Variants in NUDT3 observed in about 807,000 individuals in gnomAD.
The protein encoded by NUDT3 is diphosphoinositol polyphosphate phosphohydrolase 1.
Under a neutral mutation model 23.6 loss-of-function variants are expected in NUDT3, and 9 were observed. The ratio of observed to expected loss-of-function variants is 0.38; its 90% CI spans 0.23 to 0.66. NUDT3 has a LOEUF of 0.66. Among genes scored for constraint, NUDT3 ranks in the 30% least tolerant of loss-of-function variants. NUDT3 has a pLI of 0.52. For missense variants in NUDT3, 172 were observed against 218.5 expected, an observed-to-expected ratio of 0.79 and a Z score of 1.34; for synonymous variants, 86 against 82.6, an observed-to-expected ratio of 1.04 and a Z score of -0.22.
At chr6:34,360,829 G>A (rs1252048363) in intron 1 of NUDT3, among the ~76,000 whole-genome samples, 1 of 151,900 alleles carries the variant, frequency 6.6e-6, no homozygotes, top group Admixed American at 6.6e-5. Context: ...ATCTGATAAA[G>A]GATTCATCCA....
chr6:34,390,969 C>T (rs895786974), intron 1 of NUDT3, among the ~76,000 whole-genome samples: 1 of 152,134 alleles, frequency 6.6e-6, no homozygotes, highest in Non-Finnish European at 1.5e-5. Context: ...GTTTTGGGGA[C>T]TTTTACAATA....
intron 1 of NUDT3, among the ~76,000 whole-genome samples, chr6:34,385,979 G>A (rs1765098850): frequency 1.3e-5 from 2 of 152,202 alleles, no homozygotes; most frequent in South Asian, 4.1e-4. Context: ...CCACCATGCT[G>A]AGCCTTGTTC....
intron 2 of NUDT3, among the ~76,000 whole-genome samples, chr6:34,320,200 A>G (rs1164429556): frequency 6.6e-6 from 1 of 152,096 alleles, no homozygotes; most frequent in Non-Finnish European, 1.5e-5. Context: ...GAGTATGAAA[A>G]TTTTAAATTT....
rs1358161378 is a variant in NUDT3, at chr6:34,392,517, C to G, written c.-155G>C. ...ACACGGCTCCGCCGCTGGCCCGCCG[C>G]GGCCGCCTCATTCCCCCAGGCCCAG... On this transcript the variant is annotated 5_prime_UTR_variant, in exon 1 of 5. Transcript: ENST00000607016. The G allele has an allele frequency of 4.0e-6, 2 of 497,474 alleles. No homozygotes were observed. Among genetic ancestry groups the G allele is most frequent in the Admixed American group, 4.4e-5 (1 of 22,610 alleles). The allele number at this position is 497,474 out of a possible 1,614,324, so 30.8% of individuals were successfully genotyped here.
chr6:34,368,641 T>G (rs531430473), intron 1 of NUDT3, among the ~76,000 whole-genome samples: 11 of 152,268 alleles, frequency 7.2e-5, no homozygotes, highest in South Asian at 4.1e-4. Flanking sequence ...GCTTTTGTTT[T>G]GTGTTTTTTG....
At chr6:34,343,927 G>A (rs1453822155) in intron 1 of NUDT3, among the ~76,000 whole-genome samples, 2 of 152,164 alleles carry the variant, frequency 1.3e-5, no homozygotes, top group Non-Finnish European at 2.9e-5. Context: ...ATAAGCACAT[G>A]AAAAGATGCT....
At chr6:34,365,038 TAAATA>T (rs937509903) in intron 1 of NUDT3, among the ~76,000 whole-genome samples, 47 of 151,732 alleles carry the variant, frequency 3.1e-4, no homozygotes, top group Middle Eastern at 3.4e-3. Flanking sequence ...AATAAATAAA[TAAATA>T]AAATAAAAGA....
chr6:34,312,808 G>A (rs995491766), intron 2 of NUDT3, among the ~76,000 whole-genome samples: 1 of 152,190 alleles, frequency 6.6e-6, no homozygotes, highest in Non-Finnish European at 1.5e-5. Context: ...ATAAGGTGTG[G>A]TACATTTACA....
chr6:34,344,693 C>A (rs1451127570), intron 1 of NUDT3, among the ~76,000 whole-genome samples: 1 of 152,040 alleles, frequency 6.6e-6, no homozygotes, highest in Non-Finnish European at 1.5e-5. Flanking sequence ...CCTCTGTTGC[C>A]CAGGCTGGAG....
chr6:34,304,001 T>C (rs410340), intron 2 of NUDT3, among the ~76,000 whole-genome samples: 49,623 of 151,930 alleles, frequency 0.33, 9,708 homozygotes, highest in African/African-American at 0.51. Flanking sequence ...GCCTGTGATC[T>C]CAGCACTCTG....
At chr6:34,350,955 T>C (rs569494940) in intron 1 of NUDT3, among the ~76,000 whole-genome samples, 1 of 150,280 alleles carries the variant, frequency 6.7e-6, no homozygotes. Context: ...TTTCCACAGA[T>C]ACAAACTATT....
chr6:34,291,821 A>G (rs982893571), intron 4 of NUDT3, among the ~76,000 whole-genome samples: 1 of 152,196 alleles, frequency 6.6e-6, no homozygotes, highest in African/African-American at 2.4e-5. Flanking sequence ...GGTGGTGTTA[A>G]ACTATGGTGT....
chr6:34,357,689 G>C (rs1455219911), intron 1 of NUDT3, among the ~76,000 whole-genome samples: 3 of 151,752 alleles, frequency 2.0e-5, no homozygotes, highest in Non-Finnish European at 4.4e-5. Context: ...GTATATTTTA[G>C]AATGAATTTA....
chr6:34,311,256 G>A (rs1763767587), intron 2 of NUDT3, among the ~76,000 whole-genome samples: 1 of 152,084 alleles, frequency 6.6e-6, no homozygotes. Context: ...CAAGGGTAAT[G>A]TACAAAAGTC....
At chr6:34,321,433 A>G (rs928454128) in intron 2 of NUDT3, among the ~76,000 whole-genome samples, 1 of 152,022 alleles carries the variant, frequency 6.6e-6, no homozygotes, top group Admixed American at 6.6e-5. Context: ...GCGAGACTCC[A>G]TCTCAAAAAT....
chr6:34,331,746 C>T (rs150746082), intron 2 of NUDT3, among the ~76,000 whole-genome samples: 1 of 152,226 alleles, frequency 6.6e-6, no homozygotes, highest in African/African-American at 2.4e-5. Flanking sequence ...TGTATCTGTA[C>T]TGAACACGTA....
Position 34,293,550 on chromosome 6 carries a change from GAGA to G in NUDT3, c.256-18_256-16del, listed in dbSNP as rs1561897636. On this transcript the variant is annotated splice_polypyrimidine_tract_variant and intron_variant, in intron 3 of 4. Coordinates refer to ENST00000607016, the MANE Select transcript of NUDT3 (RefSeq NM_006703.4). ...CTCTCCTGGTTCTGAAGGGCAAAGA[GAGA>G]AGGATAGAGAGAGTTTTTCCTTAGA... 6.2e-7 allele frequency: 1 copy of G among 1,614,044 alleles called. No individual in the cohort carries two copies. The highest frequency in any genetic ancestry group is 2.2e-5 in the East Asian group (1 of 44,862).
intron 2 of NUDT3, among the ~76,000 whole-genome samples, chr6:34,308,112 T>A (rs1763710096): frequency 3.4e-5 from 2 of 59,070 alleles, no homozygotes; most frequent in South Asian, 7.0e-4. Flanking sequence ...ACAGAGAAAC[T>A]CTGTCTCAAA....
intron 1 of NUDT3, among the ~76,000 whole-genome samples, chr6:34,364,014 C>T (rs559110975): frequency 2.6e-5 from 4 of 152,248 alleles, no homozygotes; most frequent in South Asian, 2.1e-4. Flanking sequence ...ATTCCAGAGA[C>T]GCTAACAAGG....
Sources: allele counts gnomAD v4.1 joint callset (sites outside exome capture counted in the v4.1 genomes callset), GRCh38; gene constraint gnomAD v4.1.1; transcripts MANE v1.5; gene names NCBI Gene and HGNC (gene_info 2026-07-23, HGNC 2026-07-21).